EPSTI1: variants seen among roughly 807,000 people sequenced by gnomAD.
EPSTI1 encodes the protein epithelial-stromal interaction protein 1.
EPSTI1 carries 66 observed loss-of-function variants against 49.9 expected under a neutral mutation model. The ratio of observed to expected loss-of-function variants is 1.32; its 90% CI spans 1.08 to 1.62. EPSTI1 has a LOEUF of 1.62. EPSTI1 is among the 40% of genes most tolerant of loss of function. The probability of loss-of-function intolerance (pLI) is 0.00; values close to 1 mark genes in which losing one functional copy is unlikely to be tolerated. For missense variants in EPSTI1, 394 were observed against 365.5 expected, an observed-to-expected ratio of 1.08 and a Z score of -0.64; for synonymous variants, 137 against 130.7, an observed-to-expected ratio of 1.05 and a Z score of -0.33.
At chr13:42,916,239 T>C (rs1594640738) in intron 8 of EPSTI1, among the ~76,000 whole-genome samples, 2 of 150,070 alleles carry the variant, frequency 1.3e-5, no homozygotes, top group East Asian at 3.9e-4. Context: ...GATTTCAAGA[T>C]TAGGATCTTG....
intron 1 of EPSTI1, among the ~76,000 whole-genome samples, chr13:42,989,889 G>A (rs1344909420): frequency 6.6e-6 from 1 of 151,762 alleles, no homozygotes; most frequent in East Asian, 1.9e-4. Context: ...CACCATGCCC[G>A]GCCTCTTCAT....
intron 6 of EPSTI1, among the ~76,000 whole-genome samples, chr13:42,936,746 G>A (rs752366422): frequency 6.6e-6 from 1 of 152,074 alleles, no homozygotes; most frequent in Non-Finnish European, 1.5e-5. Context: ...GACCAAATTC[G>A]TGTGTACAAC....
chr13:42,955,270 G>A (rs1212421134), intron 5 of EPSTI1, among the ~76,000 whole-genome samples: 1 of 152,152 alleles, frequency 6.6e-6, no homozygotes, highest in Non-Finnish European at 1.5e-5. Context: ...CCTCCAGGGT[G>A]GGGACTGGGG....
At chr13:42,948,365 G>A (rs2038982739) in intron 6 of EPSTI1, among the ~76,000 whole-genome samples, 1 of 152,118 alleles carries the variant, frequency 6.6e-6, no homozygotes, top group Non-Finnish European at 1.5e-5. Flanking sequence ...GGGCCATAGG[G>A]GAAGTGGCCA....
intron 8 of EPSTI1, among the ~76,000 whole-genome samples, chr13:42,916,778 T>A (rs905913604): frequency 2.6e-5 from 4 of 152,160 alleles, no homozygotes; most frequent in African/African-American, 9.7e-5. Context: ...AATCATTTAG[T>A]TAGCTGGAGC....
Position 42,959,106 on chromosome 13 carries a change from G to C in EPSTI1, c.489+4149C>G, listed in dbSNP as rs187431891. 1.1e-3 allele frequency among the ~76,000 whole-genome samples: 169 copies of C among 152,224 alleles called. 2 individuals carry two copies. Among genetic ancestry groups the C allele is most frequent in the African/African-American group, 3.9e-3 (160 of 41,544 alleles). ...TACCAAGTGCTAGGTATTGTACTAA[G>C]GGCTGTGTATATATTGCATCCTCTA... On this transcript the variant is annotated intron_variant, in intron 5 of 10. Transcript: ENST00000313624.
chr13:42,959,888 C>T (rs75846490), intron 5 of EPSTI1, among the ~76,000 whole-genome samples: 3,512 of 152,234 alleles, frequency 0.023, 85 homozygotes, highest in East Asian at 0.06. Flanking sequence ...GAGGAATAGA[C>T]GGTTGCATCT....
At chr13:42,907,875 T>C (rs1323980769) in intron 8 of EPSTI1, among the ~76,000 whole-genome samples, 2 of 152,174 alleles carry the variant, frequency 1.3e-5, no homozygotes, top group Non-Finnish European at 2.9e-5. Flanking sequence ...TTATGTATAA[T>C]AACCAAAACA....
At chr13:42,891,210 T>C (rs2153407797) in intron 10 of EPSTI1, among the ~76,000 whole-genome samples, 1 of 152,372 alleles carries the variant, frequency 6.6e-6, no homozygotes, top group South Asian at 2.1e-4. Flanking sequence ...GGTCTTTGTC[T>C]AATTTTAATT....
chr13:42,954,299 T>C (rs2153428904), intron 5 of EPSTI1, among the ~76,000 whole-genome samples: 1 of 152,352 alleles, frequency 6.6e-6, no homozygotes, highest in African/African-American at 2.4e-5. Flanking sequence ...GTTCAAATGA[T>C]AGCAACATTT....
intron 7 of EPSTI1, 91 bp from the exon 8 acceptor site, chr13:42,917,715 G>A (rs569568944): frequency 2.0e-5 from 18 of 899,250 alleles, no homozygotes; most frequent in African/African-American, 3.3e-5. Context: ...CTATAGGCCC[G>A]GTGCTAATAA....
intron 6 of EPSTI1, among the ~76,000 whole-genome samples, chr13:42,928,011 T>C (rs973832978): frequency 6.6e-6 from 1 of 152,182 alleles, no homozygotes; most frequent in Non-Finnish European, 1.5e-5. Context: ...AGCCCTTCAG[T>C]TTACTGACTG....
chr13:42,918,534 G>A (rs149250204), intron 7 of EPSTI1, among the ~76,000 whole-genome samples: 2 of 152,266 alleles, frequency 1.3e-5, no homozygotes, highest in East Asian at 3.9e-4. Context: ...TCCAGCCTAC[G>A]TGAACTTTTA....
At chr13:42,942,386 T>C (rs2038780779) in intron 6 of EPSTI1, among the ~76,000 whole-genome samples, 1 of 152,142 alleles carries the variant, frequency 6.6e-6, no homozygotes, top group Non-Finnish European at 1.5e-5. Flanking sequence ...CCTTTTATTG[T>C]AAAGGCAGAA....
intron 5 of EPSTI1, among the ~76,000 whole-genome samples, chr13:42,956,746 C>T (rs115563092): frequency 6.6e-6 from 1 of 152,210 alleles, no homozygotes; most frequent in African/African-American, 2.4e-5. Flanking sequence ...CAGAACTTAA[C>T]GTTTTTAATA....
At position 42,991,978 on chromosome 13, in the gene EPSTI1, C is replaced by T. The variant is rs1018498926; in HGVS notation, c.188G>A (p.Arg63His). 8.7e-6 allele frequency: 14 copies of T among 1,612,380 alleles called. No individual in the cohort carries two copies. The highest frequency in any genetic ancestry group is 1.2e-5 in the Non-Finnish European group (14 of 1,179,814). ...GAAGCCAGGTTGTTAAAATACTCAC[C>T]GCCTCTGGCCCGCGTGCACGACGCT... ...RESVVHAGQR[R>H]TSAYTLIAPN... The change falls in exon 1 of 11, where the codon CGC becomes CAC. Residue 63 changes from arginine to histidine, a missense_variant and splice_region_variant. Transcript: ENST00000313624.
At chr13:42,889,381 T>C in intron 10 of EPSTI1, 1 of 545,352 alleles carries the variant, frequency 1.8e-6, no homozygotes, top group Non-Finnish European at 3.1e-6. Context: ...ACATACACAC[T>C]TATTGGGGGC....
intron 8 of EPSTI1, among the ~76,000 whole-genome samples, chr13:42,912,784 G>T (rs956523518): frequency 1.3e-5 from 2 of 151,730 alleles, no homozygotes; most frequent in Non-Finnish European, 2.9e-5. Flanking sequence ...AATTTAGTGA[G>T]CAGGATGATC....
intron 1 of EPSTI1, among the ~76,000 whole-genome samples, chr13:42,990,765 C>A (rs973037328): frequency 3.9e-5 from 6 of 152,116 alleles, no homozygotes; most frequent in Admixed American, 3.3e-4. Context: ...TACTGTTTAT[C>A]GGCCATAAGG....
Sources: allele counts gnomAD v4.1 joint callset (sites outside exome capture counted in the v4.1 genomes callset), GRCh38; gene constraint gnomAD v4.1.1; transcripts MANE v1.5; gene names NCBI Gene and HGNC (gene_info 2026-07-23, HGNC 2026-07-21).